The following CLK1 variants were observed in gnomAD, a reference collection of about 807,000 sequenced individuals.
The protein encoded by CLK1 is dual specificity protein kinase CLK1.
CLK1 carries 40 observed loss-of-function variants against 60.9 expected under a neutral mutation model. The observed-to-expected ratio is 0.66, with a 90% CI of 0.51 to 0.86. The LOEUF is 0.86. CLK1 is among the 40% of genes least tolerant of loss of function. The pLI is 0.00. For missense variants in CLK1, 563 were observed against 606.1 expected, an observed-to-expected ratio of 0.93 and a Z score of 0.75; for synonymous variants, 203 against 184.4, an observed-to-expected ratio of 1.10 and a Z score of -0.82.
intron 6 of CLK1, 31 bp from the exon 7 acceptor site, chr2:200,857,915 G>T: frequency 6.2e-7 from 1 of 1,611,768 alleles, no homozygotes; most frequent in South Asian, 1.1e-5. Flanking sequence ...GCTAAGTATA[G>T]TTGCTCCTAA....
At chr2:200,863,873 CT>C (rs1157277332) in intron 1 of CLK1, among the ~76,000 whole-genome samples, 4 of 152,120 alleles carry the variant, frequency 2.6e-5, no homozygotes, top group African/African-American at 9.7e-5. Context: ...GCTCCAACTG[CT>C]AACCCAAGAG....
At chr2:200,857,679 T>C in intron 7 of CLK1, 39 bp downstream of exon 7, 1 of 1,528,934 alleles carries the variant, frequency 6.5e-7, no homozygotes, top group East Asian at 2.3e-5. Context: ...GTGGAATGGA[T>C]AAAACCAGCA....
chr2:200,857,052 A>C, intron 7 of CLK1, 67 bp from the exon 8 acceptor site: 1 of 1,296,160 alleles, frequency 7.7e-7, no homozygotes, highest in South Asian at 1.2e-5. Flanking sequence ...AAAACCCCAC[A>C]ACAGGCCGGG....
chr2:200,859,862 GA>G (rs2039106447), intron 4 of CLK1, 116 bp from the exon 5 acceptor site: 2 of 1,500,060 alleles, frequency 1.3e-6, no homozygotes, highest in Non-Finnish European at 1.8e-6. Flanking sequence ...CTTATCACTA[GA>G]TATTTTATTG....
intron 7 of CLK1, 138 bp from the exon 8 acceptor site, chr2:200,857,123 T>C (rs1448468946): frequency 3.6e-5 from 24 of 670,840 alleles, no homozygotes; most frequent in Non-Finnish European, 5.1e-5. Flanking sequence ...CTGACCAATA[T>C]GGTGAAACCC....
At chr2:200,862,101 C>CAAA (rs145681104) in intron 1 of CLK1, among the ~76,000 whole-genome samples, 1,661 of 128,470 alleles carry the variant, frequency 0.013, 11 homozygotes, top group Non-Finnish European at 0.018. Flanking sequence ...TGGAAGAATG[C>CAAA]AAAAAAAAAA....
chr2:200,864,403 G>C (rs924029008), intron 1 of CLK1, 161 bp downstream of exon 1: 11 of 805,882 alleles, frequency 1.4e-5, no homozygotes, highest in Non-Finnish European at 1.6e-5. Flanking sequence ...GCAGGAAAGA[G>C]GGGCGCGCCG....
intron 9 of CLK1, among the ~76,000 whole-genome samples, chr2:200,855,958 A>C (rs778041667): frequency 2.7e-5 from 4 of 145,842 alleles, no homozygotes; most frequent in Non-Finnish European, 4.5e-5. Flanking sequence ...GCAGTGAGCC[A>C]AGATTGCACC....
At chr2:200,862,693 G>A (rs544213697) in intron 1 of CLK1, among the ~76,000 whole-genome samples, 2 of 152,260 alleles carry the variant, frequency 1.3e-5, no homozygotes, top group South Asian at 2.1e-4. Flanking sequence ...CATTCTCCCC[G>A]TTTAAACGTG....
At chr2:200,861,946 G>A in intron 1 of CLK1, 84 bp from the exon 2 acceptor site, 1 of 1,211,680 alleles carries the variant, frequency 8.3e-7, no homozygotes, top group South Asian at 1.4e-5. Flanking sequence ...GTCCCCTCGT[G>A]ACCTCGTTTT....
rs562439755 is a variant in CLK1, at chr2:200,864,286, C to T, written c.-1+278G>A. The T allele has an allele frequency of 8.3e-3, 12,315 of 1,485,670 alleles. 55 individuals are homozygous for T. Among genetic ancestry groups the T allele is most frequent in the Middle Eastern group, 0.015 (83 of 5,568 alleles). The allele number at this position is 1,485,670 out of a possible 1,614,324, so 92.0% of individuals were successfully genotyped here. A position where few individuals can be genotyped will look rare whatever the true frequency, so the allele number is the denominator to read the frequency against. The stretch of plus-strand genomic sequence containing the variant: ...GCCCGCCCGACCGTCCCGCGTCAGG[C>T]GGCGCCGCTTCCTCAGCGGAGGGCA... On this transcript the variant is annotated intron_variant, in intron 1 of 12. Coordinates refer to ENST00000321356, the MANE Select transcript of CLK1 (RefSeq NM_004071.4).
chr2:200,862,676 C>T (rs937373561), intron 1 of CLK1, among the ~76,000 whole-genome samples: 1 of 152,188 alleles, frequency 6.6e-6, no homozygotes, highest in Non-Finnish European at 1.5e-5. Flanking sequence ...ACACGTGAAA[C>T]ACACGTCATT....
chr2:200,857,268 T>C, intron 7 of CLK1: 1 of 379,254 alleles, frequency 2.6e-6, no homozygotes, highest in Admixed American at 4.2e-5. Flanking sequence ...ACTGCGCCAC[T>C]GCACTTCAGC....
At chr2:200,863,924 T>G (rs185764997) in intron 1 of CLK1, among the ~76,000 whole-genome samples, 2 of 152,222 alleles carry the variant, frequency 1.3e-5, no homozygotes, top group Admixed American at 1.3e-4. Context: ...CTCGGTCACC[T>G]GACTTCTGTC....
chr2:200,855,169 T>TAAA, intron 9 of CLK1, 83 bp from the exon 10 acceptor site: 4 of 768,342 alleles, frequency 5.2e-6, no homozygotes, highest in East Asian at 3.5e-5. Context: ...ACTAATACTT[T>TAAA]AAAAAAAAAA....
rs559738661 is a variant in CLK1 at position 200,864,115 on chromosome 2, C to T, written c.-1+449G>A. 163 of 1,550,780 alleles carry T rather than the reference C, an allele frequency of 1.1e-4. No homozygotes were observed. In the African/African-American group the frequency reaches 1.9e-3, roughly 18 times the overall value. On this transcript the variant is annotated intron_variant, in intron 1 of 12. Transcript: ENST00000321356. ...TCTCCACTTACTCCAGACAACGTTT[C>T]CCCACAGCTGCTTGGCTCACGCACA... is the stretch of plus-strand genomic sequence containing the variant.
chr2:200,855,307 C>T (rs573476052), intron 9 of CLK1, among the ~76,000 whole-genome samples: 2 of 151,936 alleles, frequency 1.3e-5, no homozygotes, highest in African/African-American at 4.8e-5. Context: ...GAGATCCCAC[C>T]TCTATTAAGA....
intron 7 of CLK1, 141 bp downstream of exon 7, chr2:200,857,577 C>T (rs977294438): frequency 1.6e-6 from 1 of 637,246 alleles, no homozygotes; most frequent in Non-Finnish European, 2.6e-6. Flanking sequence ...GGATCAACAG[C>T]CTGTAATCAA....
At position 200,857,993 on chromosome 2, in the gene CLK1, T is replaced by A. The variant is rs777082195; in HGVS notation, c.645A>T (p.Thr215=). The A allele has an allele frequency of 2.1e-5, 34 of 1,613,834 alleles. No individual in the cohort carries two copies. Among genetic ancestry groups the A allele is most frequent in the Non-Finnish European group, 2.7e-5 (32 of 1,179,850 alleles). ...SEIQVLEHLN[T]TDPNSTFRCV... ...CTTACAAAGTACTGTTGGGGTCTGT[T>A]GTATTCAGATGTTCCAGAACTTGTA... The change falls in exon 6 of 13, where the codon ACA becomes ACT. Residue 215 remains threonine (T), a synonymous_variant. Transcript: ENST00000321356.
Sources: allele counts gnomAD v4.1 joint callset (sites outside exome capture counted in the v4.1 genomes callset), GRCh38; gene constraint gnomAD v4.1.1; transcripts MANE v1.5; gene names NCBI Gene and HGNC (gene_info 2026-07-23, HGNC 2026-07-21).